P2RY12: variants seen among roughly 807,000 people sequenced by gnomAD.
P2RY12 encodes purinergic receptor P2Y12.
Under a neutral mutation model 4.5 loss-of-function variants are expected in P2RY12, and 3 were observed. That is an observed-to-expected ratio of 0.67 (90% CI 0.31 to 1.74). The LOEUF (loss-of-function observed/expected upper bound fraction) is 1.74, where lower values mean the gene tolerates loss of function less well. P2RY12 is among the 40% of genes most tolerant of loss of function. The probability of loss-of-function intolerance (pLI) is 0.09; values close to 1 mark genes in which losing one functional copy is unlikely to be tolerated. For synonymous variants in P2RY12, 148 were observed against 154.1 expected, an observed-to-expected ratio of 0.96 and a Z score of 0.29; for missense variants, 356 against 407.8, an observed-to-expected ratio of 0.87 and a Z score of 1.09.
chr3:151,350,103 C>A (rs758843606), intron 1 of P2RY12: 1 of 1,613,454 alleles, frequency 6.2e-7, no homozygotes. Flanking sequence ...CAATCCTTCT[C>A]TATGGAGTCG....
At chr3:151,376,194 C>A in intron 1 of P2RY12, 1 of 1,590,052 alleles carries the variant, frequency 6.3e-7, no homozygotes, top group Non-Finnish European at 8.5e-7. Context: ...GCAAAGACAG[C>A]ACATTAAGCG....
chr3:151,354,099 C>T lies in P2RY12; in HGVS notation c.-179-13339G>A, dbSNP rs1182941155. On this transcript the variant is annotated intron_variant, in intron 1 of 2. Coordinates refer to ENST00000302632, the MANE Select transcript of P2RY12 (RefSeq NM_022788.5). Reference sequence around the variant, plus strand: ...GAGCTTGCAGTGAGCCGAGATCCCGCCACTGCACTCCAGCCTGGGCGACAG... The same window carrying T: ...GAGCTTGCAGTGAGCCGAGATCCCGTCACTGCACTCCAGCCTGGGCGACAG... Among the ~76,000 whole-genome samples the T allele has an allele frequency of 1.0e-4, 14 of 136,958 alleles. No homozygotes were observed. In the Admixed American group the frequency reaches 1.1e-3, roughly 11 times the overall value. 89.8% of individuals were successfully genotyped at this position (136,958 alleles called of 152,430 possible).
At chr3:151,343,357 T>TTTTG (rs1210028050) in intron 1 of P2RY12, among the ~76,000 whole-genome samples, 2 of 152,182 alleles carry the variant, frequency 1.3e-5, no homozygotes, top group Non-Finnish European at 2.9e-5. Context: ...GGGCTAACAG[T>TTTTG]AGAGATTTGA....
intron 1 of P2RY12, chr3:151,350,136 G>A (rs375554576): frequency 6.2e-7 from 1 of 1,613,214 alleles, no homozygotes; most frequent in Non-Finnish European, 8.5e-7. Context: ...ATGAAGCAAG[G>A]CATCAGCTGA....
intron 1 of P2RY12, among the ~76,000 whole-genome samples, chr3:151,375,751 T>A (rs1300441917): frequency 1.3e-5 from 2 of 152,120 alleles, no homozygotes; most frequent in Non-Finnish European, 2.9e-5. Flanking sequence ...AGACCTTACT[T>A]TCCAGTTAAA....
chr3:151,338,339 G>C lies in P2RY12; in HGVS notation c.507C>G (p.Asp169Glu). 1 of 1,614,104 alleles carries C rather than the reference G, an allele frequency of 6.2e-7. No homozygotes were observed. Among genetic ancestry groups the C allele is most frequent in the Non-Finnish European group, 8.5e-7 (1 of 1,180,014 alleles). The stretch of plus-strand genomic sequence containing the variant: ...GGAAAGAGCATTTCTTCACATTCTT[G>C]TCTCTCGGCTGCCTGTTGGTCAGAA... ...NMILTNRQPR[D>E]KNVKKCSFLK... The change falls in exon 3 of 3, where the codon GAC (aspartate) becomes GAG (glutamate). Residue 169 changes from aspartate (D) to glutamate (E), a missense_variant. By Grantham distance (45) the Asp-to-Glu change is conservative. Transcript: ENST00000302632.
intron 1 of P2RY12, chr3:151,355,008 A>G: frequency 1.3e-6 from 1 of 750,648 alleles, no homozygotes. Flanking sequence ...TGAAATTCAT[A>G]GAATTTGTGC....
chr3:151,357,216 C>T, intron 1 of P2RY12: 1 of 1,598,042 alleles, frequency 6.3e-7, no homozygotes, highest in Non-Finnish European at 8.5e-7. Context: ...GTTACAGTTA[C>T]TAAATGAACT....
At chr3:151,363,692 TC>T (rs1244648120) in intron 1 of P2RY12, among the ~76,000 whole-genome samples, 1 of 152,188 alleles carries the variant, frequency 6.6e-6, no homozygotes, top group African/African-American at 2.4e-5. Context: ...ATGACTTTAG[TC>T]CTCTTTGTTA....
In P2RY12 at chr3:151,384,745, T is replaced by C. The variant is rs949615027; in HGVS notation, c.-233A>G. On this transcript the variant is annotated 5_prime_UTR_variant, in exon 1 of 3. Transcript: ENST00000302632. ...GTGTTCTGTTCTGCAGCTCCTGTCT[T>C]CTGATTGTGATCACTACCCTGGATT... 1.9e-5 allele frequency: 6 copies of C among 318,118 alleles called. No individual in the cohort carries two copies. The highest frequency in any genetic ancestry group is 3.4e-5 in the Non-Finnish European group (6 of 174,698). The allele number at this position is 318,118 out of a possible 1,614,324, so 19.7% of individuals were successfully genotyped here.
At chr3:151,347,921 C>A (rs1257317400) in intron 1 of P2RY12, among the ~76,000 whole-genome samples, 1 of 152,006 alleles carries the variant, frequency 6.6e-6, no homozygotes, top group African/African-American at 2.4e-5. Context: ...GCTCTCTTAC[C>A]CCAAGCTTGG....
At chr3:151,382,538 T>G in intron 1 of P2RY12, 1 of 574,692 alleles carries the variant, frequency 1.7e-6, no homozygotes, top group Non-Finnish European at 2.9e-6. Flanking sequence ...TTTATTTAGC[T>G]TTGTTTGTTA....
chr3:151,382,889 T>G (rs3821663), intron 1 of P2RY12: 198,232 of 599,316 alleles, frequency 0.33, 35,299 homozygotes, highest in Non-Finnish European at 0.37. Flanking sequence ...CTTCCCTGTT[T>G]CTAAAGCCTT....
intron 1 of P2RY12, chr3:151,367,562 T>C (rs1257803588): frequency 8.8e-6 from 11 of 1,256,436 alleles, no homozygotes; most frequent in Non-Finnish European, 1.1e-5. Context: ...CTTATTGGTA[T>C]TGCCTGCATT....
intron 2 of P2RY12, among the ~76,000 whole-genome samples, chr3:151,340,256 G>A (rs1431653092): frequency 6.6e-6 from 1 of 152,134 alleles, no homozygotes; most frequent in Non-Finnish European, 1.5e-5. Context: ...TATACATTTT[G>A]TGTAGTCTGT....
chr3:151,341,322 A>G (rs1471833475), intron 1 of P2RY12, among the ~76,000 whole-genome samples: 1 of 152,146 alleles, frequency 6.6e-6, no homozygotes, highest in Non-Finnish European at 1.5e-5. Context: ...ATTACATTAG[A>G]GAAGTGATTG....
intron 1 of P2RY12, among the ~76,000 whole-genome samples, chr3:151,375,002 T>C (rs1756653651): frequency 6.6e-6 from 1 of 152,258 alleles, no homozygotes; most frequent in Non-Finnish European, 1.5e-5. Context: ...GACTGGGTCA[T>C]GTTTTTGTAT....
At chr3:151,357,044 A>G (rs1449291906) in intron 1 of P2RY12, among the ~76,000 whole-genome samples, 1 of 152,240 alleles carries the variant, frequency 6.6e-6, no homozygotes, top group South Asian at 2.1e-4. Context: ...ATGTCTAGAC[A>G]GAAGAACAAC....
chr3:151,361,321 T>A (rs1754589390), intron 1 of P2RY12, among the ~76,000 whole-genome samples: 1 of 152,130 alleles, frequency 6.6e-6, no homozygotes, highest in Non-Finnish European at 1.5e-5. Context: ...GTACCCTCAC[T>A]GAATAACATT....
Sources: gnomAD v4.1 joint callset for allele counts (sites outside exome capture counted in the v4.1 genomes callset) on GRCh38, gnomAD v4.1.1 for gene constraint, MANE v1.5 for transcripts, NCBI Gene and HGNC (gene_info 2026-07-23, HGNC 2026-07-21) for gene names.